Variants in DNAH9 observed in about 807,000 individuals in gnomAD.
DNAH9 encodes the protein dynein axonemal heavy chain 9.
In DNAH9, 345 loss-of-function variants were observed where a neutral mutation model predicts 471.6. The ratio of observed to expected loss-of-function variants is 0.73; its 90% CI spans 0.67 to 0.80. DNAH9 has a LOEUF of 0.80. DNAH9 is among the 30% of genes least tolerant of loss of function. DNAH9 has a pLI of 0.00. For synonymous variants in DNAH9, 2,093 were observed against 2,123.6 expected (o/e 0.99, Z 0.40); for missense variants, 5,407 against 5,609.2 (o/e 0.96, Z 1.15).
In DNAH9 at chr17:11,688,082, C is replaced by CAAAAAAAAAAAAAA. The variant is rs145792851; in HGVS notation, c.3744-1479_3744-1466dup. On this transcript the variant is annotated intron_variant, in intron 19 of 68. Transcript: ENST00000262442. ...CCGGGAGGCGGAGATTGCAGTAAGC[C>CAAAAAAAAAAAAAA]AAAAAAAAAAAAAAAAAAGAAAAAG... 3.4e-5 allele frequency among the ~76,000 whole-genome samples: 2 copies of CAAAAAAAAAAAAAA among 59,686 alleles called. 1 individual carries two copies. The highest frequency in any genetic ancestry group is 6.0e-5 in the Non-Finnish European group (2 of 33,564). 39.2% of individuals were successfully genotyped at this position (59,686 alleles called of 152,430 possible).
chr17:11,643,728 A>G (rs568845527), intron 10 of DNAH9, among the ~76,000 whole-genome samples: 1 of 152,258 alleles, frequency 6.6e-6, no homozygotes, highest in East Asian at 1.9e-4. Context: ...ACGTTCTATG[A>G]TCAATACGCT....
At chr17:11,657,885 C>T (rs62060822) in intron 14 of DNAH9, among the ~76,000 whole-genome samples, 51,099 of 151,662 alleles carry the variant, frequency 0.34, 8,827 homozygotes, top group Middle Eastern at 0.42. Flanking sequence ...ATACCAATGC[C>T]ACTTGTTCTT....
chr17:11,727,791 A>G (rs747676569), intron 27 of DNAH9, 27 bp from the exon 28 acceptor site: 2 of 1,530,892 alleles, frequency 1.3e-6, no homozygotes, highest in East Asian at 2.2e-5. Flanking sequence ...CCCGTTGGTA[A>G]TTTAATCTTT....
chr17:11,622,973 T>C (rs1322384966), intron 6 of DNAH9, among the ~76,000 whole-genome samples: 7 of 139,516 alleles, frequency 5.0e-5, no homozygotes, highest in African/African-American at 1.1e-4. Context: ...TTTTTCTTTT[T>C]TTTTTTTTTT....
intron 49 of DNAH9, among the ~76,000 whole-genome samples, chr17:11,852,572 G>T (rs1307292778): frequency 6.6e-6 from 1 of 151,966 alleles, no homozygotes; most frequent in Admixed American, 6.6e-5. Context: ...GCCTGGAGCA[G>T]CCCCTGGTTC....
Position 11,745,060 on chromosome 17 carries a change from G to C in DNAH9, c.6375G>C (p.Gln2125His), listed in dbSNP as rs545409799. The C allele has an allele frequency of 6.8e-6, 11 of 1,613,592 alleles. 1 individual carries two copies. The highest frequency in any genetic ancestry group is 3.3e-4 in the Middle Eastern group (2 of 6,060). ...AGGCGATAGTGGATCTGAAGCTCCAGGCTGAGGACAACTTTGTGCTCAAGG... is the reference window on the plus strand; with the variant it reads ...AGGCGATAGTGGATCTGAAGCTCCACGCTGAGGACAACTTTGTGCTCAAGG... ...VRKAIVDLKL[Q>H]AEDNFVLKVV... Residue 2125 changes from glutamine to histidine, a missense_variant, in exon 31 of 69, where the codon CAG becomes CAC. By Grantham distance (24) the Gln-to-His change is conservative (BLOSUM62 0). Coordinates refer to ENST00000262442, the MANE Select transcript of DNAH9 (RefSeq NM_001372.4).
chr17:11,697,001 TG>T (rs2074489210), intron 22 of DNAH9, among the ~76,000 whole-genome samples: 1 of 152,254 alleles, frequency 6.6e-6, no homozygotes, highest in Admixed American at 6.5e-5. Flanking sequence ...CCAGAGTAGC[TG>T]GAACTACAGG....
intron 65 of DNAH9, among the ~76,000 whole-genome samples, chr17:11,936,020 G>GC (rs1363519903): frequency 2.0e-5 from 3 of 152,190 alleles, no homozygotes; most frequent in African/African-American, 7.2e-5. Context: ...CAAGTAACAG[G>GC]CAAAGGAAGT....
intron 45 of DNAH9, among the ~76,000 whole-genome samples, chr17:11,812,415 A>G (rs1969960292): frequency 6.6e-6 from 1 of 152,004 alleles, no homozygotes; most frequent in Admixed American, 6.6e-5. Flanking sequence ...TATATAGTCT[A>G]TCTACTATAT....
chr17:11,647,965 T>C (rs1427174309), intron 12 of DNAH9, among the ~76,000 whole-genome samples: 1 of 152,208 alleles, frequency 6.6e-6, no homozygotes, highest in Non-Finnish European at 1.5e-5. Flanking sequence ...ACAGAGTTAC[T>C]TGTCAAAAAT....
Position 11,962,311 on chromosome 17 carries a change from T to C in DNAH9, c.13233+55T>C. ...TTTCTGGGGGCTGATTAAATACACA[T>C]TGCTTCCTATGAAGTGTGACTACTA... On this transcript the variant is annotated intron_variant, in intron 68 of 68. Transcript: ENST00000262442. The surrounding 1 kb of genome is among the most constrained non-coding windows in gnomAD (Gnocchi z 4.1). 2 of 1,517,434 alleles carry C rather than the reference T, an allele frequency of 1.3e-6. No homozygotes were observed. Among genetic ancestry groups the C allele is most frequent in the Non-Finnish European group, 1.8e-6 (2 of 1,138,766 alleles). 94.0% of individuals were successfully genotyped at this position (1,517,434 alleles called of 1,614,324 possible).
At chr17:11,954,769 TAAAAAAA>T (rs34740871) in intron 67 of DNAH9, among the ~76,000 whole-genome samples, 4 of 118,734 alleles carry the variant, frequency 3.4e-5, no homozygotes, top group African/African-American at 1.2e-4. Flanking sequence ...GACTTCGTCT[TAAAAAAA>T]AAAAAAAAAA....
chr17:11,605,683 T>C (rs1450626588), intron 1 of DNAH9, among the ~76,000 whole-genome samples: 1 of 151,500 alleles, frequency 6.6e-6, no homozygotes, highest in Admixed American at 6.6e-5. Flanking sequence ...TATTTTTTTT[T>C]TTGTACAGAT....
At chr17:11,758,837 A>T (rs1967519414) in intron 35 of DNAH9, among the ~76,000 whole-genome samples, 1 of 152,172 alleles carries the variant, frequency 6.6e-6, no homozygotes, top group Non-Finnish European at 1.5e-5. Context: ...TTTTGATTTC[A>T]TAGTTTTTCT....
At chr17:11,776,487 TG>T (rs775207051) in intron 38 of DNAH9, among the ~76,000 whole-genome samples, 1 of 152,158 alleles carries the variant, frequency 6.6e-6, no homozygotes, top group African/African-American at 2.4e-5. Context: ...AGCTGAAGAC[TG>T]CCTAAAGAGA....
chr17:11,616,684 T>A (rs1039163238), intron 4 of DNAH9, among the ~76,000 whole-genome samples: 5 of 152,272 alleles, frequency 3.3e-5, no homozygotes, highest in African/African-American at 7.2e-5. Context: ...GCTCTGTGAC[T>A]TTTTTAAAAA....
intron 50 of DNAH9, among the ~76,000 whole-genome samples, chr17:11,863,843 T>C (rs1971945006): frequency 6.6e-6 from 1 of 151,356 alleles, no homozygotes. Flanking sequence ...TGGTAGTTTG[T>C]ATTTCTGTGG....
Position 11,919,799 on chromosome 17 carries a change from G to A in DNAH9, c.11750-4015G>A, listed in dbSNP as rs200270172. Among the ~76,000 whole-genome samples, 6 of 151,938 alleles carry A rather than the reference G, an allele frequency of 3.9e-5. No individual in the cohort carries two copies. The East Asian group carries it at 5.8e-4, about 15-fold the overall frequency. On this transcript the variant is annotated intron_variant, in intron 61 of 68. Coordinates refer to ENST00000262442, the MANE Select transcript of DNAH9 (RefSeq NM_001372.4). ...TTGGGTCCATATTAAAATAAGAGGA[G>A]GTAAAGCTGAAATTAGAAAAAAACG...
intron 67 of DNAH9, 96 bp downstream of exon 67, chr17:11,942,581 G>A: frequency 7.5e-7 from 1 of 1,338,290 alleles, no homozygotes; most frequent in Non-Finnish European, 1.0e-6. Context: ...CTGAAAGCTG[G>A]GGAGCAGTTG....
Sources: allele counts gnomAD v4.1 joint callset (sites outside exome capture counted in the v4.1 genomes callset), GRCh38; gene constraint gnomAD v4.1.1; non-coding constraint Gnocchi (gnomAD v3.1); transcripts MANE v1.5; gene names NCBI Gene and HGNC (gene_info 2026-07-23, HGNC 2026-07-21).